Variants in HECW1 observed in about 807,000 individuals in gnomAD.
The protein encoded by HECW1 is HECT, C2 and WW domain containing E3 ubiquitin protein ligase 1.
HECW1 carries 61 observed loss-of-function variants against 182.3 expected under a neutral mutation model. That is an observed-to-expected ratio of 0.33 (90% CI 0.27 to 0.41). HECW1 has a LOEUF of 0.41. Ranked by LOEUF, HECW1 falls within the 10% of genes least tolerant of loss-of-function variation. The pLI, the probability that HECW1 is intolerant of heterozygous loss-of-function variation, is 1.00. For synonymous variants in HECW1, 859 were observed against 832.6 expected, an observed-to-expected ratio of 1.03 and a Z score of -0.55; for missense variants, 1,739 against 2,108.9, an observed-to-expected ratio of 0.82 and a Z score of 3.44.
intron 3 of HECW1, among the ~76,000 whole-genome samples, chr7:43,255,120 G>T (rs905487424): frequency 2.6e-5 from 4 of 152,140 alleles, no homozygotes; most frequent in Non-Finnish European, 4.4e-5. Context: ...AAGAATTAGG[G>T]CATCAAAAAC....
chr7:43,175,343 A>G (rs1792120886), intron 2 of HECW1, among the ~76,000 whole-genome samples: 1 of 152,236 alleles, frequency 6.6e-6, no homozygotes, highest in Non-Finnish European at 1.5e-5. Flanking sequence ...CATGTTGTAC[A>G]ATAGGTCTGA....
At chr7:43,465,865 G>T (rs2077748209) in intron 14 of HECW1, among the ~76,000 whole-genome samples, 2 of 151,134 alleles carry the variant, frequency 1.3e-5, no homozygotes, top group African/African-American at 4.9e-5. Flanking sequence ...CTGCACTCCA[G>T]CCTGGATGAC....
chr7:43,544,840 G>A (rs2081495246), intron 26 of HECW1, among the ~76,000 whole-genome samples: 1 of 152,048 alleles, frequency 6.6e-6, no homozygotes, highest in Admixed American at 6.6e-5. Context: ...AATAAACAGG[G>A]TACACTAACA....
intron 26 of HECW1, among the ~76,000 whole-genome samples, chr7:43,546,776 C>T (rs973469814): frequency 6.6e-5 from 10 of 152,042 alleles, no homozygotes; most frequent in African/African-American, 9.7e-5. Flanking sequence ...CTTCAAGGCT[C>T]GGGGGTTAAA....
intron 17 of HECW1, among the ~76,000 whole-genome samples, chr7:43,486,707 C>T (rs2078658381): frequency 6.6e-6 from 1 of 152,210 alleles, no homozygotes; most frequent in Non-Finnish European, 1.5e-5. Context: ...ACACCATTGC[C>T]TATGCATCCA....
intron 13 of HECW1, among the ~76,000 whole-genome samples, chr7:43,459,857 A>G (rs1268260541): frequency 6.6e-6 from 1 of 152,198 alleles, no homozygotes; most frequent in Non-Finnish European, 1.5e-5. Context: ...TTTTAAAAAC[A>G]TGTATCCATC....
At chr7:43,435,761 G>C (rs2076690222) in intron 8 of HECW1, among the ~76,000 whole-genome samples, 1 of 152,202 alleles carries the variant, frequency 6.6e-6, no homozygotes, top group Admixed American at 6.5e-5. Flanking sequence ...AGACTTGGAA[G>C]TTGGCTGTTA....
rs181915647 is a variant in HECW1 at position 43,175,398 on chromosome 7, A to G, written c.-32+61007A>G. On this transcript the variant is annotated intron_variant, in intron 2 of 29. Coordinates refer to ENST00000395891, the MANE Select transcript of HECW1 (RefSeq NM_015052.5). ...TGACATTTTGTATCCTTTGACCAAC[A>G]TCTTTTCCATCTCTTATTATGAAAA... 6.1e-4 allele frequency among the ~76,000 whole-genome samples: 93 copies of G among 152,334 alleles called. 1 individual carries two copies. Among genetic ancestry groups the G allele is most frequent in the Admixed American group, 5.2e-3 (80 of 15,302 alleles).
At chr7:43,500,624 A>C (rs2152923919) in intron 19 of HECW1, 75 bp from the exon 20 acceptor site, 13 of 1,134,054 alleles carry the variant, frequency 1.1e-5, no homozygotes, top group East Asian at 2.3e-5. Flanking sequence ...AGAGGAAATA[A>C]GAGATCAGAA....
At chr7:43,386,163 T>C (rs1384352187) in intron 6 of HECW1, among the ~76,000 whole-genome samples, 1 of 152,242 alleles carries the variant, frequency 6.6e-6, no homozygotes, top group East Asian at 1.9e-4. Context: ...CTTGAATCTT[T>C]GACTTCCTCT....
chr7:43,162,332 CT>C (rs1790633079), intron 2 of HECW1, among the ~76,000 whole-genome samples: 1 of 152,224 alleles, frequency 6.6e-6, no homozygotes, highest in Non-Finnish European at 1.5e-5. Flanking sequence ...CAGGGCTGTA[CT>C]CCCTCACAAG....
chr7:43,449,423 C>A (rs1196400480), intron 11 of HECW1, among the ~76,000 whole-genome samples: 1 of 152,166 alleles, frequency 6.6e-6, no homozygotes, highest in Non-Finnish European at 1.5e-5. Context: ...TTAAAAGGAC[C>A]CTTTGTTCCT....
At position 43,153,810 on chromosome 7, in the gene HECW1, G is replaced by A. The variant is rs545998832; in HGVS notation, c.-32+39419G>A. Among the ~76,000 whole-genome samples the A allele has an allele frequency of 2.2e-3, 338 of 152,280 alleles. 1 individual carries two copies. Among genetic ancestry groups the A allele is most frequent in the African/African-American group, 7.9e-3 (329 of 41,550 alleles). On this transcript the variant is annotated intron_variant, in intron 2 of 29. Transcript: ENST00000395891. ...CCCACTTGTGGAGTTGTGAGAATCA[G>A]AAAGAGTTCATGTGAAGCATACAGG...
At chr7:43,536,927 G>T (rs993766427) in intron 24 of HECW1, among the ~76,000 whole-genome samples, 1 of 152,226 alleles carries the variant, frequency 6.6e-6, no homozygotes, top group Non-Finnish European at 1.5e-5. Flanking sequence ...CACAGATGCG[G>T]GGCTGCAGCC....
intron 5 of HECW1, among the ~76,000 whole-genome samples, chr7:43,349,854 A>T (rs1380018024): frequency 6.6e-6 from 1 of 152,244 alleles, no homozygotes; most frequent in African/African-American, 2.4e-5. Context: ...ATTCAATGTA[A>T]GTATCGAAAT....
At chr7:43,321,626 G>A (rs1483159473) in intron 5 of HECW1, among the ~76,000 whole-genome samples, 1 of 152,162 alleles carries the variant, frequency 6.6e-6, no homozygotes, top group Non-Finnish European at 1.5e-5. Context: ...ATTCAATGTG[G>A]CATGTCAGAA....
intron 2 of HECW1, among the ~76,000 whole-genome samples, chr7:43,232,054 G>T (rs1797933239): frequency 1.3e-5 from 2 of 150,760 alleles, no homozygotes; most frequent in South Asian, 4.2e-4. Context: ...GAACCTCTTG[G>T]AGGAATTTGA....
intron 16 of HECW1, among the ~76,000 whole-genome samples, chr7:43,479,321 A>G (rs2078333968): frequency 1.3e-5 from 2 of 152,236 alleles, no homozygotes; most frequent in East Asian, 1.9e-4. Context: ...ACGGTTCACA[A>G]TGGGGTTTGT....
intron 3 of HECW1, among the ~76,000 whole-genome samples, chr7:43,294,966 G>A (rs1479145277): frequency 6.6e-6 from 1 of 152,072 alleles, no homozygotes; most frequent in Admixed American, 6.6e-5. Context: ...GATGTACATT[G>A]ATTCAGTCCG....
Sources: gnomAD v4.1 joint callset for allele counts (sites outside exome capture counted in the v4.1 genomes callset) on GRCh38, gnomAD v4.1.1 for gene constraint, MANE v1.5 for transcripts, NCBI Gene and HGNC (gene_info 2026-07-23, HGNC 2026-07-21) for gene names.